The following NCAM2 variants were observed in gnomAD, a reference collection of about 807,000 sequenced individuals.
The protein encoded by NCAM2 is neural cell adhesion molecule 2.
A neutral mutation model predicts 98.1 loss-of-function variants in NCAM2; 30 were observed. That is an observed-to-expected ratio of 0.31 (90% confidence interval 0.23 to 0.41). The LOEUF is 0.41. NCAM2 is among the 10% of genes least tolerant of loss of function. The pLI is 1.00. For synonymous variants in NCAM2, 368 were observed against 342.4 expected, an observed-to-expected ratio of 1.07 and a Z score of -0.83; for missense variants, 867 against 1,005.8, an observed-to-expected ratio of 0.86 and a Z score of 1.87.
chr21:21,334,260 T>C (rs2897841), intron 6 of NCAM2, among the ~76,000 whole-genome samples: 122,251 of 152,098 alleles, frequency 0.8, 49,322 homozygotes, highest in East Asian at 0.99. Context: ...TGAATCCTAA[T>C]TTTGCAATCT....
intron 15 of NCAM2, among the ~76,000 whole-genome samples, chr21:21,504,782 T>C (rs1017771725): frequency 6.6e-6 from 1 of 151,800 alleles, no homozygotes; most frequent in South Asian, 2.1e-4. Context: ...TATAAACTTA[T>C]TATTTTTCAA....
chr21:21,126,315 G>C (rs146480108), intron 1 of NCAM2, among the ~76,000 whole-genome samples: 2 of 145,704 alleles, frequency 1.4e-5, no homozygotes, highest in East Asian at 4.1e-4. Flanking sequence ...TTTTAAATTA[G>C]TATGGTCCAC....
intron 8 of NCAM2, among the ~76,000 whole-genome samples, chr21:21,345,948 C>G (rs1018424344): frequency 9.9e-5 from 15 of 151,862 alleles, no homozygotes; most frequent in Non-Finnish European, 1.9e-4. Context: ...GAAAATCACC[C>G]TCACTGAAGG....
intron 1 of NCAM2, among the ~76,000 whole-genome samples, chr21:21,234,449 A>G (rs891887975): frequency 6.6e-6 from 1 of 151,956 alleles, no homozygotes; most frequent in African/African-American, 2.4e-5. Context: ...CATTTTAATT[A>G]AATGGAAATA....
At chr21:21,523,454 C>A (rs1386511932) in intron 16 of NCAM2, among the ~76,000 whole-genome samples, 2 of 150,972 alleles carry the variant, frequency 1.3e-5, no homozygotes, top group African/African-American at 4.9e-5. Flanking sequence ...AGAGGCTGTC[C>A]TTTCCCTAAT....
At chr21:21,033,275 C>T (rs1250438004) in intron 1 of NCAM2, among the ~76,000 whole-genome samples, 2 of 152,088 alleles carry the variant, frequency 1.3e-5, no homozygotes, top group Non-Finnish European at 2.9e-5. Flanking sequence ...ACAAGACGAA[C>T]ATGTGTGCCA....
chr21:21,126,016 CTGTTCAAAT>C (rs2066813743), intron 1 of NCAM2, among the ~76,000 whole-genome samples: 1 of 151,464 alleles, frequency 6.6e-6, no homozygotes, highest in East Asian at 1.9e-4. Flanking sequence ...ATTACTAAGC[CTGTTCAAAT>C]TTTGTAATGT....
chr21:21,501,617 C>CTTTTTTTTTTTT (rs5842933), intron 15 of NCAM2, among the ~76,000 whole-genome samples: 1 of 143,992 alleles, frequency 6.9e-6, no homozygotes. Flanking sequence ...ATTAATGTTC[C>CTTTTTTTTTTTT]TTTTTTTTTT....
intron 12 of NCAM2, among the ~76,000 whole-genome samples, chr21:21,442,270 C>A (rs1200182623): frequency 6.6e-6 from 1 of 151,984 alleles, no homozygotes; most frequent in African/African-American, 2.4e-5. Context: ...TCAAACCAGG[C>A]AGTTGAGGAG....
At chr21:21,305,333 T>C (rs773633416) in intron 5 of NCAM2, among the ~76,000 whole-genome samples, 2 of 151,864 alleles carry the variant, frequency 1.3e-5, no homozygotes, top group Non-Finnish European at 2.9e-5. Flanking sequence ...ATAATAATAA[T>C]AACAATAAAA....
intron 1 of NCAM2, among the ~76,000 whole-genome samples, chr21:21,112,521 C>T (rs1013856021): frequency 1.3e-5 from 2 of 152,134 alleles, no homozygotes; most frequent in African/African-American, 2.4e-5. Flanking sequence ...TTTAAATACA[C>T]CTCAAAATGA....
chr21:21,367,159 GT>G (rs2075807192), intron 8 of NCAM2, among the ~76,000 whole-genome samples: 1 of 151,980 alleles, frequency 6.6e-6, no homozygotes, highest in South Asian at 2.1e-4. Context: ...GGTTTTCATA[GT>G]TTTGTGACAT....
At chr21:21,132,442 A>C (rs1763387778) in intron 1 of NCAM2, among the ~76,000 whole-genome samples, 1 of 151,912 alleles carries the variant, frequency 6.6e-6, no homozygotes, top group African/African-American at 2.4e-5. Context: ...CAGGGATTAT[A>C]AAGGGAATAC....
At chr21:21,066,417 T>C (rs7276355) in intron 1 of NCAM2, among the ~76,000 whole-genome samples, 92,290 of 151,302 alleles carry the variant, frequency 0.61, 29,059 homozygotes, top group South Asian at 0.7. Flanking sequence ...TTATAACATA[T>C]ACACACACAC....
At chr21:21,196,948 C>T (rs560133458) in intron 1 of NCAM2, among the ~76,000 whole-genome samples, 95 of 152,088 alleles carry the variant, frequency 6.2e-4, no homozygotes, top group Non-Finnish European at 1.2e-3. Flanking sequence ...GTGTGGAGCA[C>T]GTAGCACCTT....
intron 1 of NCAM2, among the ~76,000 whole-genome samples, chr21:21,198,917 T>G (rs1373455927): frequency 6.6e-6 from 1 of 152,158 alleles, no homozygotes; most frequent in Non-Finnish European, 1.5e-5. Context: ...AAATTCACTT[T>G]CCATTATGTA....
chr21:21,032,593 T>C (rs948836882), intron 1 of NCAM2, among the ~76,000 whole-genome samples: 8 of 152,220 alleles, frequency 5.3e-5, no homozygotes, highest in African/African-American at 1.9e-4. Flanking sequence ...AACCTTTCCA[T>C]ATTTCACATC....
At chr21:21,264,036 C>A (rs1310567114) in intron 1 of NCAM2, among the ~76,000 whole-genome samples, 3 of 151,866 alleles carry the variant, frequency 2.0e-5, no homozygotes, top group Non-Finnish European at 4.4e-5. Context: ...CAAAAGAAAC[C>A]ATCAACAAAA....
At chr21:21,265,136 TATATA>T (rs2072163783) in intron 1 of NCAM2, among the ~76,000 whole-genome samples, 2 of 118,242 alleles carry the variant, frequency 1.7e-5, no homozygotes, top group Admixed American at 1.0e-4. Flanking sequence ...TATATATACA[TATATA>T]ATATATATAC....
Sources: gnomAD v4.1 joint callset for allele counts (sites outside exome capture counted in the v4.1 genomes callset) on GRCh38, gnomAD v4.1.1 for gene constraint, MANE v1.5 for transcripts, NCBI Gene and HGNC (gene_info 2026-07-23, HGNC 2026-07-21) for gene names.